Variants in KIF17 observed in about 807,000 individuals in gnomAD.
KIF17 encodes kinesin family member 17.
In KIF17, 80 loss-of-function variants were observed where a neutral mutation model predicts 96.8. That is an observed-to-expected ratio of 0.83 (90% CI 0.69 to 1.00). The LOEUF (loss-of-function observed/expected upper bound fraction) is 1.00, where lower values mean the gene tolerates loss of function less well. KIF17 is among the 50% of genes least tolerant of loss of function. KIF17 has a pLI of 0.00. For synonymous variants in KIF17, 567 were observed against 587.5 expected (o/e 0.97, Z 0.51); for missense variants, 1,280 against 1,372.9 (o/e 0.93, Z 1.07).
chr1:20,703,174 G>GATGA (rs896211591), intron 5 of KIF17, among the ~76,000 whole-genome samples: 5 of 148,014 alleles, frequency 3.4e-5, no homozygotes, highest in Non-Finnish European at 6.0e-5. Context: ...GAGATGGATG[G>GATGA]ATGAATGGAT....
chr1:20,690,352 G>GGT lies in KIF17; in HGVS notation c.1234-18_1234-17insAC. On this transcript the variant is annotated splice_polypyrimidine_tract_variant and intron_variant, in intron 6 of 14. Transcript: ENST00000400463. ...TTCATACTCCTGGGGGGGTGGGAGG[G>GGT]ACCAGAGGGCAGGCAGCATTTTATC... 6.6e-6 allele frequency: 3 copies of GGT among 451,174 alleles called. No homozygotes were observed. Among genetic ancestry groups the GGT allele is most frequent in the Non-Finnish European group, 1.3e-5 (3 of 235,152 alleles). The allele number at this position is 451,174 out of a possible 1,614,324, so 27.9% of individuals were successfully genotyped here.
At chr1:20,692,382 C>T (rs1259478768) in intron 6 of KIF17, among the ~76,000 whole-genome samples, 6 of 151,938 alleles carry the variant, frequency 3.9e-5, no homozygotes, top group Admixed American at 6.6e-5. Context: ...GCTCTGTCAC[C>T]TGGGCTGGAG....
intron 5 of KIF17, among the ~76,000 whole-genome samples, chr1:20,701,219 G>A (rs1020288058): frequency 2.0e-5 from 3 of 152,062 alleles, no homozygotes; most frequent in South Asian, 2.1e-4. Flanking sequence ...GAATCACGAG[G>A]TCCTGATTGA....
chr1:20,674,892 G>A (rs970816948), intron 11 of KIF17, among the ~76,000 whole-genome samples: 5 of 152,008 alleles, frequency 3.3e-5, no homozygotes, highest in Admixed American at 3.3e-4. Context: ...TCTCACTCCT[G>A]TAATCCCAGC....
intron 6 of KIF17, among the ~76,000 whole-genome samples, chr1:20,696,720 G>A (rs1362225515): frequency 6.6e-6 from 1 of 151,922 alleles, no homozygotes; most frequent in African/African-American, 2.4e-5. Context: ...TCTGTGACCA[G>A]AGCCCCCCGG....
chr1:20,713,177 G>T (rs1386000626), intron 3 of KIF17, among the ~76,000 whole-genome samples: 4 of 150,848 alleles, frequency 2.7e-5, no homozygotes, highest in African/African-American at 9.8e-5. Context: ...TGTATTTTTA[G>T]TAGAGATGGG....
In KIF17 at chr1:20,682,761, C is replaced by T. The variant is rs116783305; in HGVS notation, c.2355G>A (p.Leu785=). The part of the protein sequence containing the change: ...DERRKQLVAA[L]QNSDEDSGDW... ...CCCCGCTGTCCTCATCCGAGTTCTGCAGGGCAGCCACCAGCTGCTTCCTGC... is the reference window on the plus strand; with the variant it reads ...CCCCGCTGTCCTCATCCGAGTTCTGTAGGGCAGCCACCAGCTGCTTCCTGC... The change falls in exon 11 of 15, where the codon CTG becomes CTA. Residue 785 remains leucine (L), a synonymous_variant. Transcript: ENST00000400463. The T allele has an allele frequency of 1.3e-4, 202 of 1,613,192 alleles. No homozygotes were observed. In the East Asian group the frequency reaches 4.3e-3, roughly 35 times the overall value.
At chr1:20,701,948 G>T (rs1052813164) in intron 5 of KIF17, among the ~76,000 whole-genome samples, 1 of 152,204 alleles carries the variant, frequency 6.6e-6, no homozygotes, top group Non-Finnish European at 1.5e-5. Flanking sequence ...GAGAACCAGG[G>T]CTAAGGGGGA....
intron 13 of KIF17, among the ~76,000 whole-genome samples, chr1:20,670,038 T>C (rs1435143480): frequency 1.4e-5 from 2 of 147,632 alleles, no homozygotes; most frequent in East Asian, 3.9e-4. Context: ...GAAAATAAAG[T>C]GACTTAGGAA....
At chr1:20,706,952 G>T (rs1012053749) in intron 4 of KIF17, among the ~76,000 whole-genome samples, 1 of 151,868 alleles carries the variant, frequency 6.6e-6, no homozygotes, top group African/African-American at 2.4e-5. Flanking sequence ...AAAACAGCTG[G>T]GTGTGTAGTG....
At chr1:20,682,972 C>T (rs1018639912) in intron 10 of KIF17, 88 bp from the exon 11 acceptor site, 46 of 1,115,962 alleles carry the variant, frequency 4.1e-5, no homozygotes, top group Non-Finnish European at 5.1e-5. Context: ...TATGCGTGGG[C>T]CCCCCAGATC....
At position 20,664,320 on chromosome 1, in the gene KIF17, T is replaced by C. The variant is rs955933228; in HGVS notation, c.*264A>G. ...GCATGGGTGTGGGCTCTGTGGCAGG[T>C]GAGCAGACGGAAACACTGATGTGGT... On this transcript the variant is annotated 3_prime_UTR_variant, in exon 15 of 15. Transcript: ENST00000400463. The C allele has an allele frequency of 1.5e-5, 21 of 1,381,226 alleles. No individual in the cohort carries two copies. The highest frequency in any genetic ancestry group is 2.0e-5 in the Non-Finnish European group (21 of 1,064,970). The allele number at this position is 1,381,226 out of a possible 1,614,324, so 85.6% of individuals were successfully genotyped here. A position where few individuals can be genotyped will look rare whatever the true frequency, so the allele number is the denominator to read the frequency against.
In KIF17 at chr1:20,687,955, G is replaced by C. The variant is rs1266936317; in HGVS notation, c.1382-11C>G. 1.9e-6 allele frequency: 3 copies of C among 1,612,786 alleles called. No individual in the cohort carries two copies. Among genetic ancestry groups the C allele is most frequent in the Non-Finnish European group, 2.5e-6 (3 of 1,179,434 alleles). On this transcript the variant is annotated splice_polypyrimidine_tract_variant and intron_variant, in intron 7 of 14. Coordinates refer to ENST00000400463, the MANE Select transcript of KIF17 (RefSeq NM_001122819.3). This position sits in a 1 kb window ranked among gnomAD's most constrained non-coding sequence, Gnocchi z 4.4. The stretch of plus-strand genomic sequence containing the variant: ...CCTGCAGGACAGCCTCTGCAAAATG[G>C]AGAACTTCCTTCAGGTTTTTAAAGG...
intron 2 of KIF17, 59 bp from the exon 3 acceptor site, chr1:20,713,614 G>T: frequency 7.6e-7 from 1 of 1,314,102 alleles, no homozygotes; most frequent in Non-Finnish European, 1.1e-6. Flanking sequence ...CCTGCTGCCA[G>T]GTCTGACCCT....
chr1:20,715,664 C>T (rs61778523), intron 1 of KIF17, 25 bp from the exon 2 acceptor site: 112,867 of 1,613,414 alleles, frequency 0.07, 4,423 homozygotes, highest in East Asian at 0.12. Flanking sequence ...GGCAGGACCC[C>T]GTGCTCAGTG....
At chr1:20,689,225 C>T (rs372635181) in intron 7 of KIF17, among the ~76,000 whole-genome samples, 7 of 152,168 alleles carry the variant, frequency 4.6e-5, no homozygotes, top group African/African-American at 1.2e-4. Flanking sequence ...ACCGACGGTG[C>T]GATCAGTATC....
intron 5 of KIF17, among the ~76,000 whole-genome samples, chr1:20,703,486 A>AGATGGATGGATGGATGGATG (rs1491257356): frequency 4.9e-5 from 5 of 103,032 alleles, no homozygotes; most frequent in Admixed American, 1.9e-4. Flanking sequence ...ATAGATGGAT[A>AGATGGATGGATGGATGGATG]GATGGATGGA....
At chr1:20,705,199 A>G (rs1035133570) in intron 4 of KIF17, among the ~76,000 whole-genome samples, 4 of 152,196 alleles carry the variant, frequency 2.6e-5, no homozygotes, top group Non-Finnish European at 5.9e-5. Flanking sequence ...TCTGAGTGCA[A>G]TAGGGCCTCT....
chr1:20,701,773 G>A (rs746376774), intron 5 of KIF17, among the ~76,000 whole-genome samples: 2 of 152,222 alleles, frequency 1.3e-5, no homozygotes, highest in Non-Finnish European at 2.9e-5. Flanking sequence ...CAGTCACCGG[G>A]CTCCACGACA....
Sources: allele counts gnomAD v4.1 joint callset (sites outside exome capture counted in the v4.1 genomes callset), GRCh38; gene constraint gnomAD v4.1.1; non-coding constraint Gnocchi (gnomAD v3.1); transcripts MANE v1.5; gene names NCBI Gene and HGNC (gene_info 2026-07-23, HGNC 2026-07-21).